Variants in CRYL1 observed in about 807,000 individuals in gnomAD.
The protein encoded by CRYL1 is crystallin lambda 1, also known as lambda-crystallin homolog.
A neutral mutation model predicts 36.6 loss-of-function variants in CRYL1; 29 were observed. That is an observed-to-expected ratio of 0.79 (90% CI 0.59 to 1.08). The LOEUF (loss-of-function observed/expected upper bound fraction) is 1.08. CRYL1 is among the 50% of genes least tolerant of loss of function. CRYL1 has a pLI of 0.00. For missense variants in CRYL1, 411 were observed against 407.9 expected (o/e 1.01, Z -0.06); for synonymous variants, 152 against 151.5 (o/e 1.00, Z -0.02).
intron 3 of CRYL1, among the ~76,000 whole-genome samples, chr13:20,449,052 C>A (rs1343671367): frequency 6.6e-6 from 1 of 152,190 alleles, no homozygotes; most frequent in Non-Finnish European, 1.5e-5. Context: ...CCTGTAATCC[C>A]AGCTACTCAG....
intron 1 of CRYL1, among the ~76,000 whole-genome samples, chr13:20,521,746 C>CA (rs2034101657): frequency 6.6e-6 from 1 of 152,178 alleles, no homozygotes; most frequent in South Asian, 2.1e-4. Context: ...TCAATTCTAT[C>CA]ATTAATGTCA....
intron 2 of CRYL1, among the ~76,000 whole-genome samples, chr13:20,501,691 A>G (rs532500897): frequency 7.7e-4 from 117 of 152,340 alleles, no homozygotes; most frequent in African/African-American, 2.7e-3. Context: ...CACTGGAGGC[A>G]AAGAACAGAG....
chr13:20,412,910 C>T (rs2031559856), intron 6 of CRYL1, among the ~76,000 whole-genome samples: 1 of 152,198 alleles, frequency 6.6e-6, no homozygotes, highest in South Asian at 2.1e-4. Flanking sequence ...TGGGTTAAGT[C>T]AGTCCCCTAT....
chr13:20,494,242 G>C (rs929788403), intron 2 of CRYL1, among the ~76,000 whole-genome samples: 1 of 152,206 alleles, frequency 6.6e-6, no homozygotes, highest in Non-Finnish European at 1.5e-5. Context: ...CAGCTTAATT[G>C]AAAGTTTTTT....
intron 2 of CRYL1, among the ~76,000 whole-genome samples, chr13:20,504,019 G>A (rs2033749336): frequency 6.6e-6 from 1 of 152,176 alleles, no homozygotes; most frequent in Non-Finnish European, 1.5e-5. Flanking sequence ...AGATGGTGGA[G>A]AAACCAAGAT....
intron 4 of CRYL1, among the ~76,000 whole-genome samples, chr13:20,438,460 T>G (rs896836837): frequency 1.3e-5 from 2 of 152,218 alleles, no homozygotes; most frequent in Non-Finnish European, 2.9e-5. Flanking sequence ...GGACCCAAGC[T>G]GTCTGTCCCA....
chr13:20,452,998 A>G (rs953840803), intron 3 of CRYL1, among the ~76,000 whole-genome samples: 1 of 152,242 alleles, frequency 6.6e-6, no homozygotes, highest in Non-Finnish European at 1.5e-5. Flanking sequence ...TGAAAGGAGA[A>G]ATAAACAAAT....
intron 2 of CRYL1, among the ~76,000 whole-genome samples, chr13:20,493,028 T>G (rs146872967): frequency 1.3e-5 from 2 of 152,196 alleles, no homozygotes; most frequent in African/African-American, 4.8e-5. Context: ...TTTTCGCCAA[T>G]GATGTAGCTG....
chr13:20,409,912 G>A (rs892918296), intron 6 of CRYL1, among the ~76,000 whole-genome samples: 2 of 152,108 alleles, frequency 1.3e-5, no homozygotes, highest in African/African-American at 4.8e-5. Context: ...TGGAGAAATA[G>A]GAACACTTTT....
In CRYL1 at chr13:20,425,153, A is replaced by C. The variant is rs567646758; in HGVS notation, c.633+6949T>G. On this transcript the variant is annotated intron_variant, in intron 5 of 7. Transcript: ENST00000298248. The surrounding 1 kb of genome is among the most constrained non-coding windows in gnomAD (Gnocchi z 4.4). The stretch of plus-strand genomic sequence containing the variant: ...AGCAAACCACAGCAATTCACTTCCA[A>C]CGCCGTCCTTCCCCAGAAAAGCTGC... Among the ~76,000 whole-genome samples the C allele has an allele frequency of 6.6e-6, 1 of 152,172 alleles. No homozygotes were observed. The highest frequency in any genetic ancestry group is 2.1e-4 in the South Asian group (1 of 4,808).
chr13:20,451,921 C>T (rs1470628053), intron 3 of CRYL1, among the ~76,000 whole-genome samples: 1 of 151,996 alleles, frequency 6.6e-6, no homozygotes, highest in Non-Finnish European at 1.5e-5. Flanking sequence ...AAATGTGGTA[C>T]ATATAGCCCA....
chr13:20,513,741 G>GA (rs2033954026), intron 1 of CRYL1: 1 of 152,102 alleles, frequency 6.6e-6, no homozygotes, highest in Non-Finnish European at 1.5e-5. Context: ...TTCAAAGAGT[G>GA]AAAAACAAAT....
intron 5 of CRYL1, among the ~76,000 whole-genome samples, chr13:20,424,796 G>A (rs2031896983): frequency 6.6e-6 from 1 of 152,160 alleles, no homozygotes; most frequent in African/African-American, 2.4e-5. Flanking sequence ...CAGAGCAACA[G>A]GAAGAAAAGG....
chr13:20,413,641 TTTC>T (rs1324027930), intron 5 of CRYL1, among the ~76,000 whole-genome samples: 53 of 152,338 alleles, frequency 3.5e-4, no homozygotes, highest in African/African-American at 1.2e-3. Context: ...ACAAAATCTA[TTTC>T]TGTTTCATAT....
chr13:20,485,778 A>G lies in CRYL1; in HGVS notation c.276+3592T>C, dbSNP rs1009544621. On this transcript the variant is annotated intron_variant, in intron 3 of 7. Coordinates refer to ENST00000298248, the MANE Select transcript of CRYL1 (RefSeq NM_015974.3). ...AACTGCTGATTCTTTTTTCTTACTC[A>G]TCTTTCCTTCTGATTCATTTCATTC... is the stretch of plus-strand genomic sequence containing the variant. 2.0e-5 allele frequency among the ~76,000 whole-genome samples: 3 copies of G among 152,324 alleles called. No individual in the cohort carries two copies. The East Asian group carries it at 5.8e-4, about 29-fold the overall frequency.
chr13:20,484,653 G>A (rs572053940), intron 3 of CRYL1, among the ~76,000 whole-genome samples: 1 of 152,102 alleles, frequency 6.6e-6, no homozygotes, highest in African/African-American at 2.4e-5. Flanking sequence ...ATACAGCCCC[G>A]AGCACATCGT....
chr13:20,420,701 T>TTTTTTTTTTTTTTGTGTGTG lies in CRYL1; in HGVS notation c.634-7315_634-7314insCACACACAAAAAAAAAAAAA. ...CTTTGACTTTTCTTTAAAATAGAGGTTGTGTGTGTGTGTGTGTGTGTGTGT... is the reference window on the plus strand; with the variant it reads ...CTTTGACTTTTCTTTAAAATAGAGGTTTTTTTTTTTTTTGTGTGTGTGTGTGTGTGTGTGTGTGTGTGTGT... On this transcript the variant is annotated intron_variant, in intron 5 of 7. Transcript: ENST00000298248. Among the ~76,000 whole-genome samples, 19 of 21,872 alleles carry TTTTTTTTTTTTTTGTGTGTG rather than the reference T, an allele frequency of 8.7e-4. 7 individuals are homozygous for TTTTTTTTTTTTTTGTGTGTG. The South Asian group carries it at 9.8e-3, about 11-fold the overall frequency. The allele number at this position is 21,872 out of a possible 152,430, so 14.3% of individuals were successfully genotyped here.
intron 3 of CRYL1, among the ~76,000 whole-genome samples, chr13:20,473,843 G>A (rs1376435267): frequency 1.3e-5 from 2 of 151,982 alleles, no homozygotes; most frequent in East Asian, 1.9e-4. Context: ...TGGCTCTCAC[G>A]GATTCTAACG....
intron 3 of CRYL1, among the ~76,000 whole-genome samples, chr13:20,440,688 G>A (rs371143761): frequency 3.9e-5 from 6 of 152,228 alleles, no homozygotes; most frequent in South Asian, 2.1e-4. Context: ...TCTCATCCTC[G>A]TGAAATGAAC....
Sources: gnomAD v4.1 joint callset for allele counts (sites outside exome capture counted in the v4.1 genomes callset) on GRCh38, gnomAD v4.1.1 for gene constraint, Gnocchi (gnomAD v3.1) non-coding constraint, MANE v1.5 for transcripts, NCBI Gene and HGNC (gene_info 2026-07-23, HGNC 2026-07-21) for gene names.